HIC2: variants seen among roughly 807,000 people sequenced by gnomAD.
HIC2 encodes the protein hypermethylated in cancer 2 protein.
Under a neutral mutation model 39.5 loss-of-function variants are expected in HIC2, and 2 were observed. The ratio of observed to expected loss-of-function variants is 0.05; its 90% CI spans 0.02 to 0.16. HIC2 has a LOEUF of 0.16. Among genes scored for constraint, HIC2 ranks in the 10% least tolerant of loss-of-function variants. The probability of loss-of-function intolerance (pLI) is 1.00; values close to 1 mark genes in which losing one functional copy is unlikely to be tolerated. For missense variants in HIC2, 713 were observed against 863.5 expected, an observed-to-expected ratio of 0.83 and a Z score of 2.18; for synonymous variants, 399 against 368.8, an observed-to-expected ratio of 1.08 and a Z score of -0.94.
chr22:21,444,994 G>C lies in HIC2; in HGVS notation c.99G>C (p.Leu33=), dbSNP rs1386508479. The C allele has an allele frequency of 6.2e-7, 1 of 1,614,030 alleles. No individual in the cohort carries two copies. Among genetic ancestry groups the C allele is most frequent in the East Asian group, 2.2e-5 (1 of 44,886 alleles). ...MELPSHSKQL[L]LQLNQQRTKG... ...TGCCCAGCCACTCGAAGCAGCTCCT[G>C]CTGCAGCTGAACCAGCAGAGGACCA... The change falls in exon 3 of 3, where the codon CTG becomes CTC. Residue 33 remains leucine, a synonymous_variant. Coordinates refer to ENST00000407464, the MANE Select transcript of HIC2 (RefSeq NM_015094.3).
At position 21,446,259 on chromosome 22, in the gene HIC2, A is replaced by G. The variant is rs1460523059; in HGVS notation, c.1364A>G (p.Glu455Gly). The change falls in exon 3 of 3, where the codon GAG (glutamate) becomes GGG (glycine). Residue 455 changes from glutamate to glycine, a missense_variant. Glu to Gly is a moderately conservative substitution (Grantham distance 98). This residue lies in a region of HIC2 where 11 missense variants were observed against 28.3 expected (regional missense o/e 0.39). Coordinates refer to ENST00000407464, the MANE Select transcript of HIC2 (RefSeq NM_015094.3). ...TGCGCCAAGGGCTTCCCCAGCTCTG[A>G]GCAGCTCAATGCGCACGTGGAGACT... ...IPCAKGFPSS[E>G]QLNAHVETHT... The G allele has an allele frequency of 6.2e-7, 1 of 1,613,278 alleles. No homozygotes were observed. Among genetic ancestry groups the G allele is most frequent in the South Asian group, 1.1e-5 (1 of 91,090 alleles).
rs1338223376 is a variant in HIC2 at position 21,448,616 on chromosome 22, G to C, written c.*1873G>C. The C allele has an allele frequency of 6.6e-6, 1 of 152,540 alleles. No homozygotes were observed. Among genetic ancestry groups the C allele is most frequent in the Non-Finnish European group, 1.5e-5 (1 of 68,006 alleles). The allele number at this position is 152,540 out of a possible 1,614,324, so 9.4% of individuals were successfully genotyped here. The stretch of plus-strand genomic sequence containing the variant: ...GTCATCCCCTACCCCCACCCCTCTA[G>C]AGACCCTCCAGCTAAAAACAGAGCC... On this transcript the variant is annotated 3_prime_UTR_variant, in exon 3 of 3. Coordinates refer to ENST00000407464, the MANE Select transcript of HIC2 (RefSeq NM_015094.3).
At chr22:21,426,476 T>C (rs1923259073) in intron 1 of HIC2, among the ~76,000 whole-genome samples, 1 of 150,040 alleles carries the variant, frequency 6.7e-6, no homozygotes, top group African/African-American at 2.4e-5. Flanking sequence ...ATAGCAACTT[T>C]GTTTTTTTTT....
rs3747085 is a variant in HIC2, at chr22:21,448,094, G to T, written c.*1351G>T. ...CCACATCCACCTCGAGGGGACCCTG[G>T]CACCCCGGGCACACAAACCTCTGTG... is the stretch of plus-strand genomic sequence containing the variant. On this transcript the variant is annotated 3_prime_UTR_variant, in exon 3 of 3. Coordinates refer to ENST00000407464, the MANE Select transcript of HIC2 (RefSeq NM_015094.3). 1,173 of 152,634 alleles carry T rather than the reference G, an allele frequency of 7.7e-3. 108 individuals are homozygous for T. In the East Asian group the frequency reaches 0.2, roughly 26 times the overall value. The allele number at this position is 152,634 out of a possible 1,614,324, so 9.5% of individuals were successfully genotyped here. A position where few individuals can be genotyped will look rare whatever the true frequency, so the allele number is the denominator to read the frequency against.
chr22:21,449,424 A>AG lies in HIC2; in HGVS notation c.*2682dup, dbSNP rs948814274. 8 of 152,774 alleles carry AG rather than the reference A, an allele frequency of 5.2e-5. No homozygotes were observed. The highest frequency in any genetic ancestry group is 1.2e-4 in the Non-Finnish European group (8 of 68,044). 9.5% of individuals were successfully genotyped at this position (152,774 alleles called of 1,614,324 possible). ...GAAAGAGAGGATAAACAAAGAAAAA[A>AG]GAAAAAAAAATAAGCTCATACCCAA... On this transcript the variant is annotated 3_prime_UTR_variant, in exon 3 of 3. Coordinates refer to ENST00000407464, the MANE Select transcript of HIC2 (RefSeq NM_015094.3).
At chr22:21,417,758 T>C (rs1922934046) in intron 1 of HIC2, among the ~76,000 whole-genome samples, 198 bp downstream of exon 1, 1 of 140,884 alleles carries the variant, frequency 7.1e-6, no homozygotes, top group Non-Finnish European at 1.5e-5. Flanking sequence ...CCGGGCTTTG[T>C]GGGCCAGATG....
intron 2 of HIC2, among the ~76,000 whole-genome samples, chr22:21,443,904 AT>A (rs1923657329): frequency 6.6e-6 from 1 of 152,000 alleles, no homozygotes; most frequent in Non-Finnish European, 1.5e-5. Flanking sequence ...TTGGAGGGAC[AT>A]TTCCCTCCTC....
At chr22:21,443,736 C>G (rs1289143626) in intron 2 of HIC2, among the ~76,000 whole-genome samples, 1 of 152,184 alleles carries the variant, frequency 6.6e-6, no homozygotes, top group Non-Finnish European at 1.5e-5. Context: ...TCCTGCTGAG[C>G]CATTCTCTGA....
chr22:21,446,897 A>G lies in HIC2; in HGVS notation c.*154A>G, dbSNP rs1923875676. 6 of 1,058,880 alleles carry G rather than the reference A, an allele frequency of 5.7e-6. No homozygotes were observed. The highest frequency in any genetic ancestry group is 7.9e-6 in the Non-Finnish European group (6 of 755,180). The allele number at this position is 1,058,880 out of a possible 1,614,324, so 65.6% of individuals were successfully genotyped here. Reference sequence around the variant, plus strand: ...CCCACTGCCCACACCCAGAGCTTTAATGGACAGTCCGTACCAAGCAGAGCC... The same window carrying G: ...CCCACTGCCCACACCCAGAGCTTTAGTGGACAGTCCGTACCAAGCAGAGCC... On this transcript the variant is annotated 3_prime_UTR_variant, in exon 3 of 3. Coordinates refer to ENST00000407464, the MANE Select transcript of HIC2 (RefSeq NM_015094.3).
At position 21,446,301 on chromosome 22, in the gene HIC2, T is replaced by C. The variant is rs781089207; in HGVS notation, c.1406T>C (p.Leu469Pro). The C allele has an allele frequency of 3.6e-5, 58 of 1,612,928 alleles. No individual in the cohort carries two copies. Among genetic ancestry groups the C allele is most frequent in the Non-Finnish European group, 4.8e-5 (57 of 1,179,948 alleles). ...GTGGAGACTCACACGGAGGAAGAGC[T>C]GTTCATCAAGGAAGAGGGGGCCTAC... Reference protein sequence around the residue: ...AHVETHTEEELFIKEEGAYET... With the variant: ...AHVETHTEEEPFIKEEGAYET... Residue 469 changes from leucine to proline, a missense_variant, in exon 3 of 3, where the codon CTG becomes CCG. Leu to Pro is a moderately conservative substitution (Grantham distance 98). Around this residue, in one of 5 missense-constraint regions of HIC2, gnomAD observed 103 missense variants for 103.4 expected, o/e 1.00. Transcript: ENST00000407464.
chr22:21,446,907 C>G lies in HIC2; in HGVS notation c.*164C>G, dbSNP rs989407401. 3.0e-6 allele frequency: 3 copies of G among 984,138 alleles called. No homozygotes were observed. The highest frequency in any genetic ancestry group is 4.3e-6 in the Non-Finnish European group (3 of 690,162). 61.0% of individuals were successfully genotyped at this position (984,138 alleles called of 1,614,324 possible). On this transcript the variant is annotated 3_prime_UTR_variant, in exon 3 of 3. Transcript: ENST00000407464. Reference sequence around the variant, plus strand: ...ACACCCAGAGCTTTAATGGACAGTCCGTACCAAGCAGAGCCGAGAGGAGGG... The same window carrying G: ...ACACCCAGAGCTTTAATGGACAGTCGGTACCAAGCAGAGCCGAGAGGAGGG...
At chr22:21,418,085 A>G (rs1309398113) in intron 1 of HIC2, among the ~76,000 whole-genome samples, 3 of 136,822 alleles carry the variant, frequency 2.2e-5, no homozygotes, top group Non-Finnish European at 3.2e-5. Flanking sequence ...AAGACTGGCC[A>G]CGGCAGGGGC....
chr22:21,426,563 G>C (rs1923265593), intron 1 of HIC2, among the ~76,000 whole-genome samples: 1 of 138,030 alleles, frequency 7.2e-6, no homozygotes, highest in Non-Finnish European at 1.6e-5. Flanking sequence ...CTGCTTCCCG[G>C]GTTCAAGCAA....
intron 1 of HIC2, among the ~76,000 whole-genome samples, 190 bp downstream of exon 1, chr22:21,417,750 G>A (rs1268125179): frequency 6.9e-6 from 1 of 145,602 alleles, no homozygotes; most frequent in African/African-American, 2.5e-5. Flanking sequence ...TGGCAGGCCC[G>A]GGCTTTGTGG....
rs937215677 is a variant in HIC2 at position 21,447,416 on chromosome 22, C to A, written c.*673C>A. 4.6e-5 allele frequency: 7 copies of A among 152,748 alleles called. No homozygotes were observed. Among genetic ancestry groups the A allele is most frequent in the African/African-American group, 1.4e-4 (6 of 41,450 alleles). The allele number at this position is 152,748 out of a possible 1,614,324, so 9.5% of individuals were successfully genotyped here. A position where few individuals can be genotyped will look rare whatever the true frequency, so the allele number is the denominator to read the frequency against. On this transcript the variant is annotated 3_prime_UTR_variant, in exon 3 of 3. Coordinates refer to ENST00000407464, the MANE Select transcript of HIC2 (RefSeq NM_015094.3). ...ACAATAGCTTATTTTCTTTCCGCCC[C>A]CTCCGGGGCTGAGCCTGGGTCTGAA...
At chr22:21,444,824 T>C (rs1923708488) in intron 2 of HIC2, 98 bp from the exon 3 acceptor site, 3 of 1,390,942 alleles carry the variant, frequency 2.2e-6, no homozygotes, top group Middle Eastern at 2.6e-4. Flanking sequence ...GTGGGGTCAG[T>C]TCTGAGGCCC....
rs889351787 is a variant in HIC2 at position 21,446,384 on chromosome 22, G to A, written c.1489G>A (p.Ala497Thr). 7 of 1,612,248 alleles carry A rather than the reference G, an allele frequency of 4.3e-6. No individual in the cohort carries two copies. The Admixed American group carries it at 5.0e-5, about 12-fold the overall frequency. Residue 497 changes from alanine (A) to threonine (T), a missense_variant, in exon 3 of 3, where the codon GCC becomes ACC. Ala to Thr is a moderately conservative substitution (Grantham distance 58, BLOSUM62 0). This residue lies in a region of HIC2 where 103 missense variants were observed against 103.4 expected (regional missense o/e 1.00). Transcript: ENST00000407464. ...EAEDLSAPSAAYTAEPRPFKC... is the reference protein window; with the variant it reads ...EAEDLSAPSATYTAEPRPFKC... ...CGAGGACCTGTCAGCACCCAGTGCG[G>A]CCTACACGGCTGAGCCCCGGCCCTT...
chr22:21,429,960 CTT>C (rs1409239157), intron 1 of HIC2, among the ~76,000 whole-genome samples: 5 of 3,592 alleles, frequency 1.4e-3, no homozygotes, highest in African/African-American at 5.1e-3. Flanking sequence ...TTCTGCCCTT[CTT>C]TCTCCTGTAG....
At position 21,443,311 on chromosome 22, in the gene HIC2, C is replaced by A. The variant is rs114725395; in HGVS notation, c.26+454C>A. ...CTCTGAGTGCCAGCGGTGTTCCAGG[C>A]TGTGTTGCACCCTTGCGTGTTCACA... On this transcript the variant is annotated intron_variant, in intron 2 of 2. Coordinates refer to ENST00000407464, the MANE Select transcript of HIC2 (RefSeq NM_015094.3). 3.2e-3 allele frequency among the ~76,000 whole-genome samples: 485 copies of A among 152,306 alleles called. 3 individuals carry two copies. The highest frequency in any genetic ancestry group is 0.011 in the African/African-American group (472 of 41,562).
Sources: allele counts gnomAD v4.1 joint callset (sites outside exome capture counted in the v4.1 genomes callset), GRCh38; gene constraint gnomAD v4.1.1; regional missense constraint gnomAD v4.1.1; transcripts MANE v1.5; gene names NCBI Gene and HGNC (gene_info 2026-07-23, HGNC 2026-07-21).